Variants in F13A1 observed in about 807,000 individuals in gnomAD.
The protein encoded by F13A1 is FSF, A subunit.
Under a neutral mutation model 80.1 loss-of-function variants are expected in F13A1, and 47 were observed. That is an observed-to-expected ratio of 0.59 (90% CI 0.46 to 0.75). The LOEUF (loss-of-function observed/expected upper bound fraction) is 0.75. Among genes scored for constraint, F13A1 ranks in the 30% least tolerant of loss-of-function variants. F13A1 has a pLI of 0.00. For missense variants in F13A1, 817 were observed against 930.4 expected, an observed-to-expected ratio of 0.88 and a Z score of 1.59; for synonymous variants, 349 against 344.9, an observed-to-expected ratio of 1.01 and a Z score of -0.13.
At chr6:6,157,991 G>A (rs1267793628) in intron 13 of F13A1, among the ~76,000 whole-genome samples, 1 of 152,156 alleles carries the variant, frequency 6.6e-6, no homozygotes, top group South Asian at 2.1e-4. Context: ...CATAGACATA[G>A]TTTACGATCA....
At chr6:6,236,752 T>C (rs1757418866) in intron 6 of F13A1, among the ~76,000 whole-genome samples, 1 of 152,200 alleles carries the variant, frequency 6.6e-6, no homozygotes, top group Admixed American at 6.5e-5. Context: ...GAAAATAGTC[T>C]TATACCTAAT....
chr6:6,158,072 G>A (rs539871273), intron 13 of F13A1, among the ~76,000 whole-genome samples: 4 of 152,320 alleles, frequency 2.6e-5, no homozygotes, highest in East Asian at 1.9e-4. Flanking sequence ...GCCACGAGGG[G>A]ATGGAGAGTC....
intron 6 of F13A1, among the ~76,000 whole-genome samples, chr6:6,247,072 T>C (rs973148180): frequency 2.6e-5 from 4 of 152,234 alleles, no homozygotes; most frequent in African/African-American, 9.6e-5. Context: ...CTTCCCATTA[T>C]GGAATGTAAA....
chr6:6,182,669 T>C (rs1015246210), intron 10 of F13A1, among the ~76,000 whole-genome samples: 2 of 152,198 alleles, frequency 1.3e-5, no homozygotes, highest in Non-Finnish European at 2.9e-5. Context: ...GAAGCTGCTG[T>C]GGCCATCGTG....
intron 3 of F13A1, among the ~76,000 whole-genome samples, chr6:6,273,747 G>A (rs567331388): frequency 7.2e-4 from 109 of 152,308 alleles, no homozygotes; most frequent in African/African-American, 2.5e-3. Context: ...ATGTGGCAGC[G>A]CTGGAAGTGT....
At chr6:6,183,731 A>G (rs1320968225) in intron 10 of F13A1, among the ~76,000 whole-genome samples, 1 of 152,234 alleles carries the variant, frequency 6.6e-6, no homozygotes, top group East Asian at 1.9e-4. Context: ...GGTGAAACCT[A>G]GATGGCATTT....
At chr6:6,169,536 C>T (rs928397240) in intron 12 of F13A1, 5 of 153,896 alleles carry the variant, frequency 3.2e-5, no homozygotes, top group African/African-American at 1.2e-4. Flanking sequence ...AGGCCTGCAT[C>T]CTGAGAACCC....
intron 11 of F13A1, among the ~76,000 whole-genome samples, chr6:6,177,568 C>T (rs1760903371): frequency 6.6e-6 from 1 of 152,254 alleles, no homozygotes; most frequent in East Asian, 1.9e-4. Context: ...CTTTCCTCTT[C>T]ATAATAGTCC....
rs755377836 is a variant in F13A1, at chr6:6,174,727, A to T, written c.1600T>A (p.Phe534Ile). Residue 534 changes from phenylalanine (F) to isoleucine (I), a missense_variant, in exon 12 of 15, where the codon TTC becomes ATC. Physicochemically the swap from Phe to Ile is conservative, Grantham distance 21 (BLOSUM62 0). Transcript: ENST00000264870. ...TTCCGGAAGGTGATGGAGAGCTTGA[A>T]GTCTTTTCCCAGCACAGCATTTTCC... ...EVENAVLGKD[F>I]KLSITFRNNS... 6.2e-7 allele frequency: 1 copy of T among 1,614,186 alleles called. No individual in the cohort carries two copies.
At chr6:6,286,658 G>C (rs80274171) in intron 3 of F13A1, among the ~76,000 whole-genome samples, 5,721 of 152,306 alleles carry the variant, frequency 0.038, 138 homozygotes, top group Middle Eastern at 0.058. Flanking sequence ...CTAACACCTA[G>C]ACGTGCATCC....
intron 6 of F13A1, among the ~76,000 whole-genome samples, chr6:6,228,021 AG>A (rs1757300616): frequency 6.6e-6 from 1 of 152,218 alleles, no homozygotes; most frequent in Non-Finnish European, 1.5e-5. Flanking sequence ...ATAAGCAACA[AG>A]ATATGTTTGG....
chr6:6,286,062 C>T (rs909262657), intron 3 of F13A1, among the ~76,000 whole-genome samples: 1 of 152,246 alleles, frequency 6.6e-6, no homozygotes, highest in Non-Finnish European at 1.5e-5. Flanking sequence ...GGAAGAATCA[C>T]AGGAGTAGGG....
intron 6 of F13A1, among the ~76,000 whole-genome samples, chr6:6,232,182 CAACT>C (rs1046686525): frequency 2.6e-4 from 39 of 152,276 alleles, no homozygotes; most frequent in African/African-American, 7.2e-4. Flanking sequence ...ACTCACCAAC[CAACT>C]GTCTGCTGCC....
At chr6:6,204,148 C>G (rs547361367) in intron 8 of F13A1, among the ~76,000 whole-genome samples, 1 of 152,268 alleles carries the variant, frequency 6.6e-6, no homozygotes, top group South Asian at 2.1e-4. Context: ...TTAATTTAAA[C>G]AAGGAGTCCT....
At chr6:6,179,988 C>T (rs1760952190) in intron 11 of F13A1, among the ~76,000 whole-genome samples, 1 of 152,212 alleles carries the variant, frequency 6.6e-6, no homozygotes, top group African/African-American at 2.4e-5. Context: ...CCTTCACTGT[C>T]ACCTCCATGC....
At chr6:6,244,628 G>A (rs1757530164) in intron 6 of F13A1, among the ~76,000 whole-genome samples, 1 of 152,146 alleles carries the variant, frequency 6.6e-6, no homozygotes, top group African/African-American at 2.4e-5. Context: ...GGAAGTTACT[G>A]AATGTATAAA....
At chr6:6,265,469 G>A (rs1757831093) in intron 4 of F13A1, among the ~76,000 whole-genome samples, 1 of 152,146 alleles carries the variant, frequency 6.6e-6, no homozygotes, top group Non-Finnish European at 1.5e-5. Flanking sequence ...TGGGAGCAGG[G>A]GAGAGGTATG....
chr6:6,304,611 C>T (rs1758484129), intron 3 of F13A1, among the ~76,000 whole-genome samples: 1 of 152,066 alleles, frequency 6.6e-6, no homozygotes, highest in South Asian at 2.1e-4. Flanking sequence ...CCTGCAATCC[C>T]AGCACTTTGG....
intron 11 of F13A1, among the ~76,000 whole-genome samples, chr6:6,179,450 G>A (rs1215675847): frequency 6.6e-6 from 1 of 152,218 alleles, no homozygotes; most frequent in East Asian, 1.9e-4. Flanking sequence ...TCTACACTCA[G>A]CATTTGTGGA....
Sources: gnomAD v4.1 joint callset for allele counts (sites outside exome capture counted in the v4.1 genomes callset) on GRCh38, gnomAD v4.1.1 for gene constraint, MANE v1.5 for transcripts, NCBI Gene and HGNC (gene_info 2026-07-23, HGNC 2026-07-21) for gene names.